DIP2C: variants seen among roughly 807,000 people sequenced by gnomAD.
The protein encoded by DIP2C is disco-interacting protein 2 homolog C.
In DIP2C, 33 loss-of-function variants were observed where a neutral mutation model predicts 192.4. That is an observed-to-expected ratio of 0.17 (90% CI 0.13 to 0.23). DIP2C has a LOEUF of 0.23. Among genes scored for constraint, DIP2C ranks in the 10% least tolerant of loss-of-function variants. DIP2C has a pLI of 1.00. For missense variants in DIP2C, 1,537 were observed against 2,110.1 expected (o/e 0.73, Z 5.32); for synonymous variants, 979 against 864.1 (o/e 1.13, Z -2.33).
chr10:575,570 G>A (rs766247545), intron 1 of DIP2C, among the ~76,000 whole-genome samples: 7 of 152,196 alleles, frequency 4.6e-5, no homozygotes, highest in Admixed American at 2.0e-4. Context: ...CTATGGGCAC[G>A]TGTGATCCTT....
At position 472,558 on chromosome 10, in the gene DIP2C, C is replaced by T. The variant is rs200765901; in HGVS notation, c.158-9G>A. 2.5e-6 allele frequency: 4 copies of T among 1,611,250 alleles called. No individual in the cohort carries two copies. Among genetic ancestry groups the T allele is most frequent in the African/African-American group, 2.7e-5 (2 of 74,970 alleles). On this transcript the variant is annotated splice_polypyrimidine_tract_variant and intron_variant, in intron 2 of 36. Coordinates refer to ENST00000280886, the MANE Select transcript of DIP2C (RefSeq NM_014974.3). The stretch of plus-strand genomic sequence containing the variant: ...CAAAGCTTGGTCCACCCCTGGATTT[C>T]AATAAAAACAGCAGAGTGAGGTGTG...
Position 662,008 on chromosome 10 carries a change from A to T in DIP2C, c.85+27486T>A, listed in dbSNP as rs117768263. Reference sequence around the variant, plus strand: ...GGCTGCCTTCTCTCCTCCTCTCGCCATGGCGAGTGCCCCGCAGGAGCCTGG... The same window carrying T: ...GGCTGCCTTCTCTCCTCCTCTCGCCTTGGCGAGTGCCCCGCAGGAGCCTGG... On this transcript the variant is annotated intron_variant, in intron 1 of 36. Transcript: ENST00000280886. The T allele has an allele frequency of 6.2e-4, 442 of 713,714 alleles. 5 individuals carry two copies. The East Asian group carries it at 0.011, about 18-fold the overall frequency. The allele number at this position is 713,714 out of a possible 1,614,324, so 44.2% of individuals were successfully genotyped here.
chr10:641,251 G>GA (rs1855180174), intron 1 of DIP2C, among the ~76,000 whole-genome samples: 1 of 152,140 alleles, frequency 6.6e-6, no homozygotes, highest in Non-Finnish European at 1.5e-5. Context: ...TGACTGAGGG[G>GA]AATCCCCAAA....
At chr10:593,030 T>C (rs1049011387) in intron 1 of DIP2C, among the ~76,000 whole-genome samples, 1 of 152,184 alleles carries the variant, frequency 6.6e-6, no homozygotes, top group South Asian at 2.1e-4. Context: ...AAAATATATA[T>C]ATGGGAGTGG....
At chr10:426,708 CAATT>C (rs1966619957) in intron 4 of DIP2C, among the ~76,000 whole-genome samples, 1 of 152,098 alleles carries the variant, frequency 6.6e-6, no homozygotes, top group Non-Finnish European at 1.5e-5. Context: ...TATTTACGGT[CAATT>C]TATTTTTGAC....
intron 1 of DIP2C, among the ~76,000 whole-genome samples, chr10:570,960 C>T (rs764607142): frequency 6.6e-6 from 1 of 152,246 alleles, no homozygotes; most frequent in Non-Finnish European, 1.5e-5. Context: ...TTCCAGCGCA[C>T]GACTCCCACC....
At chr10:360,637 G>A (rs1006612582) in intron 22 of DIP2C, among the ~76,000 whole-genome samples, 23 of 152,102 alleles carry the variant, frequency 1.5e-4, no homozygotes, top group African/African-American at 4.8e-4. Flanking sequence ...CCTGCTATTC[G>A]GGGGCAATAT....
chr10:325,190 A>G (rs1156312509), intron 31 of DIP2C, among the ~76,000 whole-genome samples: 1 of 152,154 alleles, frequency 6.6e-6, no homozygotes, highest in Non-Finnish European at 1.5e-5. Flanking sequence ...GCGTGAACCC[A>G]GCAGGTGGAG....
At chr10:420,938 C>G (rs1246147624) in intron 5 of DIP2C, among the ~76,000 whole-genome samples, 1 of 152,134 alleles carries the variant, frequency 6.6e-6, no homozygotes, top group Non-Finnish European at 1.5e-5. Context: ...GACACTCACG[C>G]GCACGCAGAC....
At chr10:573,460 C>A (rs1259081119) in intron 1 of DIP2C, among the ~76,000 whole-genome samples, 1 of 152,204 alleles carries the variant, frequency 6.6e-6, no homozygotes, top group Non-Finnish European at 1.5e-5. Context: ...CAAGGCTTGA[C>A]GGCAGGGGCG....
At chr10:324,227 CTT>C (rs2132421893) in intron 31 of DIP2C, among the ~76,000 whole-genome samples, 1 of 152,360 alleles carries the variant, frequency 6.6e-6, no homozygotes, top group Admixed American at 6.5e-5. Context: ...ATGGCACAAA[CTT>C]TGTCATAAGT....
intron 3 of DIP2C, among the ~76,000 whole-genome samples, chr10:442,700 A>C (rs1967847571): frequency 6.6e-6 from 1 of 152,240 alleles, no homozygotes; most frequent in South Asian, 2.1e-4. Flanking sequence ...TTCAGATACT[A>C]TATTCCTCTA....
intron 3 of DIP2C, among the ~76,000 whole-genome samples, chr10:453,805 C>A (rs1343255791): frequency 6.6e-6 from 1 of 152,214 alleles, no homozygotes; most frequent in Non-Finnish European, 1.5e-5. Context: ...CTGCCTGCAG[C>A]CATCTCAGGC....
chr10:452,245 A>G lies in DIP2C; in HGVS notation c.269-11249T>C, dbSNP rs189657990. Among the ~76,000 whole-genome samples the G allele has an allele frequency of 6.3e-3, 958 of 152,306 alleles. 4 individuals are homozygous for G. The highest frequency in any genetic ancestry group is 0.011 in the Non-Finnish European group (720 of 68,022). ...ATCAGTGGCACAGTGACACTTCAAA[A>G]CATCCATAAACAGCACCCTGAAGAT... On this transcript the variant is annotated intron_variant, in intron 3 of 36. Coordinates refer to ENST00000280886, the MANE Select transcript of DIP2C (RefSeq NM_014974.3).
At chr10:572,492 C>T (rs1414369478) in intron 1 of DIP2C, among the ~76,000 whole-genome samples, 1 of 152,104 alleles carries the variant, frequency 6.6e-6, no homozygotes, top group East Asian at 1.9e-4. Flanking sequence ...CATCACACCC[C>T]TCCAAAAACA....
intron 34 of DIP2C, among the ~76,000 whole-genome samples, 190 bp from the exon 35 acceptor site, chr10:283,636 C>T (rs1954952456): frequency 6.6e-6 from 1 of 152,174 alleles, no homozygotes; most frequent in African/African-American, 2.4e-5. Context: ...GAAATAAAGG[C>T]AGTCTACCAA....
chr10:650,970 G>T, intron 1 of DIP2C: 1 of 717,396 alleles, frequency 1.4e-6, no homozygotes, highest in Non-Finnish European at 2.6e-6. Flanking sequence ...TTCCAAAGCC[G>T]GCACTGCCCT....
chr10:413,478 T>C (rs1037757033), intron 8 of DIP2C, among the ~76,000 whole-genome samples: 3 of 152,258 alleles, frequency 2.0e-5, no homozygotes, highest in Non-Finnish European at 4.4e-5. Context: ...ATTAGAGCTA[T>C]GGTCACTGCT....
At chr10:351,132 G>C (rs1001335331) in intron 24 of DIP2C, among the ~76,000 whole-genome samples, 1 of 152,214 alleles carries the variant, frequency 6.6e-6, no homozygotes, top group Non-Finnish European at 1.5e-5. Context: ...GGCGCAGGGA[G>C]AGAGGCCCAG....
Sources: allele counts gnomAD v4.1 joint callset (sites outside exome capture counted in the v4.1 genomes callset), GRCh38; gene constraint gnomAD v4.1.1; transcripts MANE v1.5; gene names NCBI Gene and HGNC (gene_info 2026-07-23, HGNC 2026-07-21).